Variants in GALNT13 observed in about 807,000 individuals in gnomAD.
GALNT13 encodes the protein polypeptide N-acetylgalactosaminyltransferase 13.
A neutral mutation model predicts 64.2 loss-of-function variants in GALNT13; 28 were observed. The ratio of observed to expected loss-of-function variants is 0.44; its 90% confidence interval spans 0.32 to 0.60. The LOEUF is 0.60. Ranked by LOEUF, GALNT13 falls within the 20% of genes least tolerant of loss-of-function variation. The pLI is 0.05. For missense variants in GALNT13, 577 were observed against 669.8 expected (o/e 0.86, Z 1.53); for synonymous variants, 214 against 224.6 (o/e 0.95, Z 0.42).
At chr2:153,224,423 C>T in the GALNT13 span, among the ~76,000 whole-genome samples, 1 of 152,110 alleles carries the variant, frequency 6.6e-6, no homozygotes, top group African/African-American at 2.4e-5. Flanking sequence ...GTACCTCAAA[C>T]CTCAGCATCA....
At chr2:153,296,313 G>A in the GALNT13 span, among the ~76,000 whole-genome samples, 1 of 152,138 alleles carries the variant, frequency 6.6e-6, no homozygotes, top group East Asian at 1.9e-4. Flanking sequence ...AACTGTAATA[G>A]TGAATAGAAG....
chr2:154,208,624 CTGTGTGTGTGTGTG>C (rs57789546), intron 4 of GALNT13, among the ~76,000 whole-genome samples: 10 of 140,364 alleles, frequency 7.1e-5, no homozygotes, highest in Non-Finnish European at 9.3e-5. Context: ...TTTTGCGTGT[CTGTGTGTGTGTGTG>C]TGTGTGTGTG....
the GALNT13 span, among the ~76,000 whole-genome samples, chr2:153,720,520 G>C: frequency 6.6e-6 from 1 of 150,600 alleles, no homozygotes; most frequent in East Asian, 2.0e-4. Flanking sequence ...TCTGAGCTAC[G>C]GGAGGACATT....
intron 10 of GALNT13, among the ~76,000 whole-genome samples, chr2:154,399,543 A>G (rs1699205592): frequency 1.3e-5 from 2 of 152,142 alleles, no homozygotes; most frequent in African/African-American, 4.8e-5. Flanking sequence ...CACTAATCCC[A>G]TTCATAAGGA....
chr2:153,901,118 T>C (rs1461537903), intron 2 of GALNT13, 111 bp downstream of exon 2: 2 of 152,202 alleles, frequency 1.3e-5, no homozygotes, highest in African/African-American at 2.4e-5. Context: ...GTCAACATTG[T>C]TAAAGATAAG....
intron 9 of GALNT13, among the ~76,000 whole-genome samples, chr2:154,337,803 G>A (rs1047840865): frequency 2.0e-5 from 3 of 151,808 alleles, no homozygotes; most frequent in African/African-American, 7.3e-5. Flanking sequence ...AGACCAGGTG[G>A]TCTTTATGTC....
At chr2:154,267,391 G>A (rs988018584) in intron 8 of GALNT13, among the ~76,000 whole-genome samples, 1 of 152,096 alleles carries the variant, frequency 6.6e-6, no homozygotes, top group African/African-American at 2.4e-5. Flanking sequence ...TGTAATCCCA[G>A]CACTTTGGGA....
intron 11 of GALNT13, among the ~76,000 whole-genome samples, chr2:154,434,388 T>C (rs1574298372): frequency 6.6e-6 from 1 of 152,008 alleles, no homozygotes; most frequent in African/African-American, 2.4e-5. Context: ...GCCTCCAGAG[T>C]AGCTGGAACT....
the GALNT13 span, among the ~76,000 whole-genome samples, chr2:153,512,660 A>G: frequency 6.6e-6 from 1 of 152,218 alleles, no homozygotes; most frequent in Non-Finnish European, 1.5e-5. Flanking sequence ...TACGTGTTAA[A>G]ACACTTAGGA....
chr2:153,082,618 T>TACAC, the GALNT13 span, among the ~76,000 whole-genome samples: 14 of 30,202 alleles, frequency 4.6e-4, no homozygotes, highest in East Asian at 1.2e-3. Context: ...TATATATATA[T>TACAC]ACACACACAC....
intron 9 of GALNT13, among the ~76,000 whole-genome samples, chr2:154,319,668 A>AG (rs1156389476): frequency 6.6e-6 from 1 of 152,054 alleles, no homozygotes; most frequent in East Asian, 1.9e-4. Context: ...CTGAAAAAAA[A>AG]AAAAAGAAAA....
chr2:153,827,299 T>G, the GALNT13 span, among the ~76,000 whole-genome samples: 1 of 152,156 alleles, frequency 6.6e-6, no homozygotes, highest in Admixed American at 6.5e-5. Context: ...CCATGACACA[T>G]GGGAATTGTG....
At chr2:153,541,294 C>A in the GALNT13 span, among the ~76,000 whole-genome samples, 2 of 152,160 alleles carry the variant, frequency 1.3e-5, no homozygotes, top group African/African-American at 4.8e-5. Flanking sequence ...TCCTCTTCTG[C>A]CATGATTGTA....
chr2:154,421,995 A>G (rs1000954405), intron 11 of GALNT13, among the ~76,000 whole-genome samples: 4 of 152,148 alleles, frequency 2.6e-5, no homozygotes, highest in African/African-American at 4.8e-5. Flanking sequence ...AAAAGACTCC[A>G]CAAAGCACTC....
intron 3 of GALNT13, among the ~76,000 whole-genome samples, chr2:154,011,600 G>T (rs1433953821): frequency 6.6e-6 from 1 of 152,130 alleles, no homozygotes; most frequent in Non-Finnish European, 1.5e-5. Context: ...TTGGTCAAGT[G>T]TTGTATTCAG....
the GALNT13 span, among the ~76,000 whole-genome samples, chr2:153,707,202 G>GT: frequency 6.6e-6 from 1 of 152,154 alleles, no homozygotes; most frequent in Admixed American, 6.6e-5. Context: ...TCTCGGGTAT[G>GT]TTTTTATCAG....
the GALNT13 span, among the ~76,000 whole-genome samples, chr2:153,474,371 G>A: frequency 3.3e-5 from 5 of 152,162 alleles, no homozygotes; most frequent in Non-Finnish European, 5.9e-5. Context: ...CTAATTCAGA[G>A]TTAGTATAGG....
the GALNT13 span, among the ~76,000 whole-genome samples, chr2:153,560,516 T>G: frequency 6.6e-6 from 1 of 152,072 alleles, no homozygotes; most frequent in African/African-American, 2.4e-5. Flanking sequence ...TAGTACATGA[T>G]AGAAAGAATG....
the GALNT13 span, among the ~76,000 whole-genome samples, chr2:153,161,774 TAAG>T: frequency 6.6e-6 from 1 of 152,306 alleles, no homozygotes; most frequent in African/African-American, 2.4e-5. Flanking sequence ...TAAGCCATAA[TAAG>T]ACCTGTCAGT....
Sources: allele counts gnomAD v4.1 joint callset (sites outside exome capture counted in the v4.1 genomes callset), GRCh38; gene constraint gnomAD v4.1.1; transcripts MANE v1.5; gene names NCBI Gene and HGNC (gene_info 2026-07-23, HGNC 2026-07-21).